Variants in ZNF391 observed in about 807,000 individuals in gnomAD.
ZNF391 encodes zinc finger protein 391.
For synonymous variants in ZNF391, 126 were observed against 142.1 expected, an observed-to-expected ratio of 0.89 and a Z score of 0.80; for missense variants, 375 against 425.5, an observed-to-expected ratio of 0.88 and a Z score of 1.04.
chr6:27,393,783 GGCAATGA>G (rs1761765738), intron 1 of ZNF391, among the ~76,000 whole-genome samples: 2 of 152,190 alleles, frequency 1.3e-5, no homozygotes, highest in South Asian at 4.1e-4. Context: ...AGTCTCAGAT[GGCAATGA>G]GGAACTTATT....
rs1334740029 is a variant in ZNF391 at position 27,376,040 on chromosome 6, A to G, written n.523+903A>G. Among the ~76,000 whole-genome samples the G allele has an allele frequency of 6.6e-6, 1 of 152,180 alleles. No homozygotes were observed. The highest frequency in any genetic ancestry group is 1.5e-5 in the Non-Finnish European group (1 of 68,042). On this transcript the variant is annotated intron_variant and non_coding_transcript_variant, in intron 1 of 2. Coordinates refer to the ZNF391 transcript ENST00000477999. The surrounding 1 kb of genome is among the most constrained non-coding windows in gnomAD (Gnocchi z 4.7). ...GTCATTTATGGTGTAAGCCCTATGG[A>G]GAAGATATTTCCTGCTATACCTGAA...
chr6:27,394,513 C>G (rs779230796), intron 1 of ZNF391, among the ~76,000 whole-genome samples: 3 of 152,234 alleles, frequency 2.0e-5, no homozygotes, highest in Non-Finnish European at 4.4e-5. Flanking sequence ...ATGAGAAGGC[C>G]TGGGTGTCCA....
upstream of ZNF391, among the ~76,000 whole-genome samples, chr6:27,386,975 AG>A (rs1243672881): frequency 8.7e-4 from 12 of 13,832 alleles, no homozygotes; most frequent in Non-Finnish European, 2.4e-3. Flanking sequence ...TCATATCTGA[AG>A]AAGAATATCT....
rs1230589499 is a variant in ZNF391 at position 27,376,360 on chromosome 6, T to C, written n.523+1223T>C. 6.6e-6 allele frequency among the ~76,000 whole-genome samples: 1 copy of C among 152,234 alleles called. No homozygotes were observed. The highest frequency in any genetic ancestry group is 1.5e-5 in the Non-Finnish European group (1 of 68,038). On this transcript the variant is annotated intron_variant and non_coding_transcript_variant, in intron 1 of 2. Coordinates refer to the ZNF391 transcript ENST00000477999. This position sits in a 1 kb window ranked among gnomAD's most constrained non-coding sequence, Gnocchi z 4.7. ...CACTTGATTTGGCTACAGGAGCACA[T>C]ATTCTTAATTGCTGTAGAAACAGGC...
chr6:27,380,508 G>GCAA (rs3082229), intron 1 of ZNF391, among the ~76,000 whole-genome samples: 108,626 of 151,218 alleles, frequency 0.72, 39,173 homozygotes, highest in Middle Eastern at 0.82. Context: ...CAAAGAGTGA[G>GCAA]CAACAAGATT....
At position 27,400,612 on chromosome 6, in the gene ZNF391, A is replaced by T. The variant is rs1366316947; in HGVS notation, c.242A>T (p.His81Leu). The change falls in exon 3 of 3, where the codon CAT becomes CTT. Residue 81 changes from histidine (H) to leucine (L), a missense_variant. Transcript: ENST00000244576. The stretch of plus-strand genomic sequence containing the variant: ...GCACAACAGAAAATTCCAAAGGGAC[A>T]TGGATCCCCAATATCTAGGAAAAAC... ...LDAQQKIPKGHGSPISRKNSK... is the reference protein window; with the variant it reads ...LDAQQKIPKGLGSPISRKNSK... 3.1e-6 allele frequency: 5 copies of T among 1,614,112 alleles called. No individual in the cohort carries two copies. The African/African-American group carries it at 6.7e-5, about 22-fold the overall frequency.
chr6:27,388,743 T>TA (rs1435813971), upstream of ZNF391: 38 of 355,930 alleles, frequency 1.1e-4, no homozygotes, highest in Middle Eastern at 7.8e-4. Flanking sequence ...CCGCTGCTGA[T>TA]ACGTTGCTCA....
In ZNF391 at chr6:27,401,365, C is replaced by A. The variant is rs535610155; in HGVS notation, c.995C>A (p.Pro332Gln). Residue 332 changes from proline (P) to glutamine (Q), a missense_variant, in exon 3 of 3, where the codon CCG (proline) becomes CAG (glutamine). Coordinates refer to ENST00000244576, the MANE Select transcript of ZNF391 (RefSeq NM_001076781.3). ...CAGAGAACTCATACCGGGGAGAAGC[C>A]GTACAAATGTAATGACTGTGGAAAA... is the stretch of plus-strand genomic sequence containing the variant. ...IHQRTHTGEK[P>Q]YKCNDCGKAF... 1 of 1,613,916 alleles carries A rather than the reference C, an allele frequency of 6.2e-7. No individual in the cohort carries two copies. Among genetic ancestry groups the A allele is most frequent in the Non-Finnish European group, 8.5e-7 (1 of 1,180,010 alleles).
rs1314981405 is a variant in ZNF391 at position 27,376,808 on chromosome 6, G to A, written n.523+1671G>A. Among the ~76,000 whole-genome samples, 1 of 152,100 alleles carries A rather than the reference G, an allele frequency of 6.6e-6. No homozygotes were observed. The highest frequency in any genetic ancestry group is 1.5e-5 in the Non-Finnish European group (1 of 68,024). ...GTGGAGGTTGCAGTGAGCCGAGATT[G>A]CGCCACTGCACTCCAGCCTGGGCGA... On this transcript the variant is annotated intron_variant and non_coding_transcript_variant, in intron 1 of 2. Transcript: ENST00000477999. The surrounding 1 kb of genome is among the most constrained non-coding windows in gnomAD (Gnocchi z 4.7).
At chr6:27,396,074 A>G (rs1234033939) in intron 1 of ZNF391, among the ~76,000 whole-genome samples, 2 of 152,144 alleles carry the variant, frequency 1.3e-5, no homozygotes, top group Admixed American at 1.3e-4. Context: ...TCAATATTTT[A>G]GTTCCACTGC....
intron 1 of ZNF391, among the ~76,000 whole-genome samples, chr6:27,398,278 A>G (rs1262569540): frequency 6.6e-6 from 1 of 152,206 alleles, no homozygotes; most frequent in Non-Finnish European, 1.5e-5. Flanking sequence ...AAGGACTCCA[A>G]GTGAATTAAC....
At chr6:27,396,079 C>T (rs1321615371) in intron 1 of ZNF391, among the ~76,000 whole-genome samples, 1 of 152,096 alleles carries the variant, frequency 6.6e-6, no homozygotes, top group Non-Finnish European at 1.5e-5. Context: ...ATTTTAGTTC[C>T]ACTGCACTAG....
chr6:27,400,651 C>G lies in ZNF391; in HGVS notation c.281C>G (p.Ser94Ter), dbSNP rs201443031. ...PISRKNSKDN[S>*]DLIKHQRLFS... ...TCTAGGAAAAACTCCAAAGATAATT[C>G]AGACTTAATTAAACACCAAAGACTT... is the stretch of plus-strand genomic sequence containing the variant. Residue 94 changes from serine to a stop codon, truncating the protein, a stop_gained, in exon 3 of 3, where the codon TCA (serine) becomes TGA (stop). Coordinates refer to ENST00000244576, the MANE Select transcript of ZNF391 (RefSeq NM_001076781.3). LOFTEE classifies it low-confidence loss of function (END_TRUNC). The G allele has an allele frequency of 1.8e-4, 292 of 1,614,008 alleles. No homozygotes were observed. The highest frequency in any genetic ancestry group is 2.2e-4 in the Non-Finnish European group (265 of 1,180,028).
At chr6:27,389,679 C>T (rs1761660759) in intron 1 of ZNF391, among the ~76,000 whole-genome samples, 1 of 152,128 alleles carries the variant, frequency 6.6e-6, no homozygotes, top group Non-Finnish European at 1.5e-5. Context: ...TGGCGCGCGC[C>T]TGTAATCCCT....
chr6:27,381,390 G>T (rs1761504337), intron 1 of ZNF391, among the ~76,000 whole-genome samples: 1 of 152,256 alleles, frequency 6.6e-6, no homozygotes, highest in Non-Finnish European at 1.5e-5. Flanking sequence ...CGGAACTCCA[G>T]CTGGCCCCCA....
At chr6:27,390,236 G>T (rs1262327634) in intron 1 of ZNF391, among the ~76,000 whole-genome samples, 1 of 152,198 alleles carries the variant, frequency 6.6e-6, no homozygotes, top group Non-Finnish European at 1.5e-5. Flanking sequence ...GATTATAGGA[G>T]AGACAAGCAA....
At chr6:27,397,668 T>C (rs4713093) in intron 1 of ZNF391, among the ~76,000 whole-genome samples, 108,306 of 152,026 alleles carry the variant, frequency 0.71, 38,785 homozygotes, top group Middle Eastern at 0.82. Flanking sequence ...CTCACTCTGT[T>C]GCCCAGGCTG....
chr6:27,384,722 ATTATTTTG>A (rs1455787997), upstream of ZNF391, among the ~76,000 whole-genome samples: 1 of 152,074 alleles, frequency 6.6e-6, no homozygotes, highest in African/African-American at 2.4e-5. Flanking sequence ...AAAAATTAGA[ATTATTTTG>A]TTATTGGCCA....
chr6:27,391,964 C>T (rs1437803379), intron 1 of ZNF391, among the ~76,000 whole-genome samples: 1 of 152,188 alleles, frequency 6.6e-6, no homozygotes, highest in Non-Finnish European at 1.5e-5. Context: ...TTCTAGTTCT[C>T]TCCCCTTAGT....
Sources: gnomAD v4.1 joint callset for allele counts (sites outside exome capture counted in the v4.1 genomes callset) on GRCh38, gnomAD v4.1.1 for gene constraint, Gnocchi (gnomAD v3.1) non-coding constraint, MANE v1.5 for transcripts, NCBI Gene and HGNC (gene_info 2026-07-23, HGNC 2026-07-21) for gene names.